Variants in SHISA9 observed in about 807,000 individuals in gnomAD.
SHISA9 encodes shisa family member 9.
SHISA9 carries 13 observed loss-of-function variants against 38.0 expected under a neutral mutation model. That is an observed-to-expected ratio of 0.34 (90% CI 0.22 to 0.54). The LOEUF (loss-of-function observed/expected upper bound fraction) is 0.54. Ranked by LOEUF, SHISA9 falls within the 20% of genes least tolerant of loss-of-function variation. The pLI, the probability that SHISA9 is intolerant of heterozygous loss-of-function variation, is 0.91. For missense variants in SHISA9, 538 were observed against 575.8 expected (o/e 0.93, Z 0.67); for synonymous variants, 275 against 242.0 (o/e 1.14, Z -1.27).
At chr16:13,100,146 C>T (rs955632414) in intron 2 of SHISA9, among the ~76,000 whole-genome samples, 3 of 152,196 alleles carry the variant, frequency 2.0e-5, no homozygotes, top group African/African-American at 7.2e-5. Flanking sequence ...CAAGAGAACT[C>T]AGAGATGCAG....
intron 2 of SHISA9, among the ~76,000 whole-genome samples, chr16:12,968,046 C>T (rs1001807219): frequency 4.0e-5 from 6 of 151,758 alleles, no homozygotes; most frequent in South Asian, 4.2e-4. Context: ...AAAAATTAGC[C>T]GGATGTGGTG....
chr16:13,378,231 T>C, the SHISA9 span, among the ~76,000 whole-genome samples: 1 of 152,216 alleles, frequency 6.6e-6, no homozygotes, highest in African/African-American at 2.4e-5. Flanking sequence ...TGCTCCAATA[T>C]GGCTACCTCA....
chr16:13,337,422 C>A, the SHISA9 span, among the ~76,000 whole-genome samples: 3 of 152,128 alleles, frequency 2.0e-5, no homozygotes, highest in Admixed American at 1.3e-4. Context: ...TGTGAGGCCT[C>A]CCCAGCCACG....
At chr16:13,465,514 G>A in the SHISA9 span, among the ~76,000 whole-genome samples, 1 of 152,190 alleles carries the variant, frequency 6.6e-6, no homozygotes, top group African/African-American at 2.4e-5. Flanking sequence ...AAGGGCATGA[G>A]AATCACAGGA....
the SHISA9 span, among the ~76,000 whole-genome samples, chr16:13,338,128 A>G: frequency 1.3e-5 from 2 of 152,186 alleles, no homozygotes; most frequent in Non-Finnish European, 2.9e-5. Flanking sequence ...CCTTCTTGTC[A>G]GTCTAAGGAG....
the SHISA9 span, among the ~76,000 whole-genome samples, chr16:13,444,939 C>T: frequency 6.8e-6 from 1 of 146,734 alleles, no homozygotes; most frequent in Non-Finnish European, 1.5e-5. Flanking sequence ...GTGTCTCAGC[C>T]TCCCAGAGAG....
chr16:13,244,141 T>G (rs1184992132), downstream of SHISA9, among the ~76,000 whole-genome samples: 1 of 152,220 alleles, frequency 6.6e-6, no homozygotes, highest in African/African-American at 2.4e-5. Context: ...TTCAATTATC[T>G]GGTGAATGCC....
At chr16:13,264,601 C>G in the SHISA9 span, among the ~76,000 whole-genome samples, 1 of 152,112 alleles carries the variant, frequency 6.6e-6, no homozygotes, top group African/African-American at 2.4e-5. Flanking sequence ...TAGTAGTTCT[C>G]CTATTCTTCA....
the SHISA9 span, among the ~76,000 whole-genome samples, chr16:13,405,264 T>C: frequency 2.0e-5 from 3 of 152,172 alleles, no homozygotes; most frequent in African/African-American, 7.2e-5. Context: ...CCAGTCCTAG[T>C]GAAAGGAAGC....
chr16:13,532,555 GTA>G, the SHISA9 span, among the ~76,000 whole-genome samples: 6 of 81,350 alleles, frequency 7.4e-5, no homozygotes, highest in African/African-American at 1.6e-4. Flanking sequence ...GTGCGTGTGT[GTA>G]TGTGTGTGTG....
chr16:13,227,721 T>C (rs2051292995), intron 4 of SHISA9, among the ~76,000 whole-genome samples: 2 of 152,234 alleles, frequency 1.3e-5, no homozygotes, highest in East Asian at 1.9e-4. Context: ...TGTTAGCTTG[T>C]GCTACCTTAA....
chr16:13,303,605 A>C, the SHISA9 span, among the ~76,000 whole-genome samples: 2 of 152,204 alleles, frequency 1.3e-5, no homozygotes, highest in African/African-American at 4.8e-5. Flanking sequence ...AGAAGAATGG[A>C]GAATAACTGC....
chr16:13,042,375 G>T (rs914742536), intron 2 of SHISA9, among the ~76,000 whole-genome samples: 3 of 152,154 alleles, frequency 2.0e-5, no homozygotes, highest in African/African-American at 4.8e-5. Flanking sequence ...TGGCCAATTT[G>T]CTTGGCTGCA....
chr16:13,181,267 T>TATATA (rs2050774626), intron 2 of SHISA9, among the ~76,000 whole-genome samples: 5 of 80,084 alleles, frequency 6.2e-5, no homozygotes, highest in African/African-American at 2.5e-4. Context: ...AAATAAAATT[T>TATATA]TATATATATA....
At chr16:13,040,213 G>A (rs941934465) in intron 2 of SHISA9, among the ~76,000 whole-genome samples, 1 of 152,174 alleles carries the variant, frequency 6.6e-6, no homozygotes, top group African/African-American at 2.4e-5. Flanking sequence ...CCTGAGAAGT[G>A]TGCTTGATCT....
the SHISA9 span, among the ~76,000 whole-genome samples, chr16:13,437,451 A>G: frequency 1.3e-5 from 2 of 152,148 alleles, no homozygotes; most frequent in African/African-American, 2.4e-5. Flanking sequence ...CAATATTCCA[A>G]TTTTACGGAT....
chr16:13,163,301 C>T (rs920892940), intron 2 of SHISA9, among the ~76,000 whole-genome samples: 3 of 152,110 alleles, frequency 2.0e-5, no homozygotes, highest in African/African-American at 7.2e-5. Flanking sequence ...TTCATTTGAC[C>T]TTTGAAAAGT....
chr16:13,544,865 T>C, the SHISA9 span, among the ~76,000 whole-genome samples: 1 of 151,988 alleles, frequency 6.6e-6, no homozygotes, highest in African/African-American at 2.4e-5. Flanking sequence ...ATCACTTAAA[T>C]GCAGGAGGTG....
At chr16:13,454,494 C>T in the SHISA9 span, among the ~76,000 whole-genome samples, 4 of 152,198 alleles carry the variant, frequency 2.6e-5, no homozygotes, top group Admixed American at 6.5e-5. Flanking sequence ...TGTGCAAATT[C>T]ACCTATCTCT....
Sources: allele counts gnomAD v4.1 joint callset (sites outside exome capture counted in the v4.1 genomes callset), GRCh38; gene constraint gnomAD v4.1.1; transcripts MANE v1.5; gene names NCBI Gene and HGNC (gene_info 2026-07-23, HGNC 2026-07-21).